Variants in C9orf72 observed in about 807,000 individuals in gnomAD.
C9orf72 encodes the protein C9orf72-SMCR8 complex subunit.
C9orf72 carries 44 observed loss-of-function variants against 51.6 expected under a neutral mutation model. That is an observed-to-expected ratio of 0.85 (90% CI 0.67 to 1.10). The LOEUF (loss-of-function observed/expected upper bound fraction) is 1.10. C9orf72 is among the 50% of genes least tolerant of loss of function. The probability of loss-of-function intolerance (pLI) is 0.00; values close to 1 mark genes in which losing one functional copy is unlikely to be tolerated. For synonymous variants in C9orf72, 213 were observed against 194.2 expected (o/e 1.10, Z -0.81); for missense variants, 607 against 570.6 (o/e 1.06, Z -0.65).
At chr9:27,556,831 T>G in intron 7 of C9orf72, 35 bp from the exon 8 acceptor site, 1 of 1,306,754 alleles carries the variant, frequency 7.7e-7, no homozygotes, top group Non-Finnish European at 1.1e-6. Flanking sequence ...CTGTCTTACA[T>G]GCCAAACGAT....
intron 9 of C9orf72, among the ~76,000 whole-genome samples, chr9:27,550,143 T>A (rs1344196242): frequency 4.0e-5 from 6 of 150,486 alleles, no homozygotes; most frequent in Non-Finnish European, 8.9e-5. Context: ...CATATATATA[T>A]CCTACAATGC....
chr9:27,553,966 T>C (rs1820959093), intron 8 of C9orf72, among the ~76,000 whole-genome samples: 1 of 152,044 alleles, frequency 6.6e-6, no homozygotes, highest in Admixed American at 6.6e-5. Context: ...TAATAGAGAA[T>C]TGCAAATCAA....
Position 27,556,644 on chromosome 9 carries a change from C to T in C9orf72, c.1008G>A (p.Leu336=). 2 of 1,614,002 alleles carry T rather than the reference C, an allele frequency of 1.2e-6. No homozygotes were observed. Among genetic ancestry groups the T allele is most frequent in the Non-Finnish European group, 8.5e-7 (1 of 1,179,936 alleles). Reference sequence around the variant, plus strand: ...CTGAAGTGGCTCTCCAGAAGGCTGTCAGCTCGGATCTCATGTATCTACGCT... The same window carrying T: ...CTGAAGTGGCTCTCCAGAAGGCTGTTAGCTCGGATCTCATGTATCTACGCT... The part of the protein sequence containing the change: ...YNQRRYMRSE[L]TAFWRATSEE... The change falls in exon 8 of 11, where the codon CTG becomes CTA. Residue 336 remains leucine (L), a synonymous_variant. Coordinates refer to ENST00000380003, the MANE Select transcript of C9orf72 (RefSeq NM_018325.5).
At chr9:27,556,924 ATGAG>A in intron 7 of C9orf72, 128 bp from the exon 8 acceptor site, 1 of 658,028 alleles carries the variant, frequency 1.5e-6, no homozygotes, top group South Asian at 1.9e-5. Flanking sequence ...GAAGCTATTC[ATGAG>A]TGTGTGCAAA....
At chr9:27,562,080 A>G (rs34366576) in intron 4 of C9orf72, among the ~76,000 whole-genome samples, 35,759 of 152,110 alleles carry the variant, frequency 0.24, 4,290 homozygotes, top group East Asian at 0.31. Context: ...GTTTCAAAAG[A>G]CACTACATTA....
intron 1 of C9orf72, among the ~76,000 whole-genome samples, chr9:27,567,578 G>C (rs1376979304): frequency 6.6e-6 from 1 of 152,140 alleles, no homozygotes; most frequent in Non-Finnish European, 1.5e-5. Context: ...AAACAGGAAG[G>C]GAAAGGCTCA....
At chr9:27,559,939 T>C (rs28526385) in intron 6 of C9orf72, 45,129 of 170,652 alleles carry the variant, frequency 0.26, 6,110 homozygotes, top group South Asian at 0.3. Flanking sequence ...CATTGGGAAA[T>C]AGAAGAGTAA....
At position 27,558,888 on chromosome 9, in the gene C9orf72, T is replaced by A. The variant is rs1005065026; in HGVS notation, c.739-281A>T. ...GTGACTCTTCAGGTGAATTATATCA[T>A]CTGCAGACTTTCTCAGACTTATTTG... On this transcript the variant is annotated intron_variant, in intron 6 of 10. Coordinates refer to ENST00000380003, the MANE Select transcript of C9orf72 (RefSeq NM_018325.5). 10 of 245,350 alleles carry A rather than the reference T, an allele frequency of 4.1e-5. No individual in the cohort carries two copies. In the Admixed American group the frequency reaches 5.3e-4, roughly 13 times the overall value. 15.2% of individuals were successfully genotyped at this position (245,350 alleles called of 1,614,324 possible).
chr9:27,556,720 T>A lies in C9orf72; in HGVS notation c.932A>T (p.Asp311Val). Residue 311 changes from aspartate (D) to valine (V), a missense_variant, in exon 8 of 11, where the codon GAT becomes GTT. Physicochemically the swap from Asp to Val is radical, Grantham distance 152 (BLOSUM62 -3). Coordinates refer to ENST00000380003, the MANE Select transcript of C9orf72 (RefSeq NM_018325.5). ...TGGCATCTGCTTCACAGTATTGACA[T>A]CCACATCTATGTGTGTGGTGGGATA... ...APYPTTHIDV[D>V]VNTVKQMPPC... The A allele has an allele frequency of 6.2e-7, 1 of 1,613,918 alleles. No homozygotes were observed. Among genetic ancestry groups the A allele is most frequent in the Non-Finnish European group, 8.5e-7 (1 of 1,179,834 alleles).
chr9:27,563,858 A>G (rs983439601), intron 3 of C9orf72, among the ~76,000 whole-genome samples: 1 of 152,172 alleles, frequency 6.6e-6, no homozygotes, highest in Non-Finnish European at 1.5e-5. Flanking sequence ...CATTCAATCT[A>G]ACAAGAATAA....
chr9:27,562,530 G>A, intron 3 of C9orf72, 54 bp from the exon 4 acceptor site: 3 of 854,580 alleles, frequency 3.5e-6, no homozygotes, highest in Non-Finnish European at 5.3e-6. Flanking sequence ...GAGAGAAGCT[G>A]GGCAATAAAA....
In C9orf72 at chr9:27,548,639, G is replaced by T. The variant is rs2643806; in HGVS notation, c.1177C>A (p.Leu393Ile). 15 of 1,611,656 alleles carry T rather than the reference G, an allele frequency of 9.3e-6. No individual in the cohort carries two copies. The African/African-American group carries it at 2.0e-4, about 22-fold the overall frequency. ...AACTGTGCAAGGAAAGTACTTCTGA[G>T]AGATAAGCCAGGTTTCAGCTGAAAG... ...QVFQLKPGLSLRSTFLAQFLL... is the reference protein window; with the variant it reads ...QVFQLKPGLSIRSTFLAQFLL... The change falls in exon 10 of 11, where the codon CTC (leucine) becomes ATC (isoleucine). Residue 393 changes from leucine to isoleucine, a missense_variant. By Grantham distance (5) the Leu-to-Ile change is conservative. Coordinates refer to ENST00000380003, the MANE Select transcript of C9orf72 (RefSeq NM_018325.5).
intron 8 of C9orf72, among the ~76,000 whole-genome samples, chr9:27,552,603 G>A (rs1047191506): frequency 2.8e-4 from 40 of 142,016 alleles, no homozygotes; most frequent in African/African-American, 9.0e-4. Flanking sequence ...AGATATGCCC[G>A]CCTTGGCCTC....
At chr9:27,551,053 A>G (rs1445063339) in intron 8 of C9orf72, among the ~76,000 whole-genome samples, 3 of 151,154 alleles carry the variant, frequency 2.0e-5, no homozygotes, top group Non-Finnish European at 4.4e-5. Context: ...TTAGGCAATT[A>G]ATAAATAAAA....
In C9orf72 at chr9:27,548,060, A is replaced by T; in HGVS notation, c.*176T>A. 2.3e-6 allele frequency: 1 copy of T among 438,142 alleles called. No homozygotes were observed. Among genetic ancestry groups the T allele is most frequent in the Non-Finnish European group, 4.0e-6 (1 of 247,828 alleles). 27.1% of individuals were successfully genotyped at this position (438,142 alleles called of 1,614,324 possible). On this transcript the variant is annotated 3_prime_UTR_variant, in exon 11 of 11. Coordinates refer to ENST00000380003, the MANE Select transcript of C9orf72 (RefSeq NM_018325.5). Reference sequence around the variant, plus strand: ...TCTAGGAAAAGAGACACCCAATGTAATGATGCACCTGACATCCCCTCACAG... The same window carrying T: ...TCTAGGAAAAGAGACACCCAATGTATTGATGCACCTGACATCCCCTCACAG...
At position 27,550,652 on chromosome 9, in the gene C9orf72, G is replaced by C. The variant is rs1820887289; in HGVS notation, c.1147C>G (p.Gln383Glu). 1 of 1,574,788 alleles carries C rather than the reference G, an allele frequency of 6.4e-7. No homozygotes were observed. The highest frequency in any genetic ancestry group is 8.7e-7 in the Non-Finnish European group (1 of 1,151,032). The change falls in exon 9 of 11, where the codon CAG becomes GAG. Residue 383 changes from glutamine (Q) to glutamate (E), a missense_variant and splice_region_variant. Gln to Glu is a conservative substitution (Grantham distance 29). Transcript: ENST00000380003. Reference sequence around the variant, plus strand: ...ACAATCTCAAGTTCAACATTTACCTGATCCAGGAAGGCTTTCACTAGAGTG... The same window carrying C: ...ACAATCTCAAGTTCAACATTTACCTCATCCAGGAAGGCTTTCACTAGAGTG... ...RDTLVKAFLDQVFQLKPGLSL... is the reference protein window; with the variant it reads ...RDTLVKAFLDEVFQLKPGLSL...
At chr9:27,553,262 G>C (rs1820944791) in intron 8 of C9orf72, among the ~76,000 whole-genome samples, 1 of 152,064 alleles carries the variant, frequency 6.6e-6, no homozygotes, top group Admixed American at 6.6e-5. Flanking sequence ...AATAGCCAAA[G>C]CAATCCTAAG....
intron 6 of C9orf72, chr9:27,559,387 G>C (rs930673496): frequency 6.6e-6 from 1 of 151,854 alleles, no homozygotes; most frequent in African/African-American, 2.4e-5. Context: ...ACCTGTTTGA[G>C]GTAACAGAAG....
At position 27,556,584 on chromosome 9, in the gene C9orf72, A is replaced by C; in HGVS notation, c.1068T>G (p.Thr356=). The C allele has an allele frequency of 6.2e-7, 1 of 1,613,230 alleles. No homozygotes were observed. Among genetic ancestry groups the C allele is most frequent in the Non-Finnish European group, 8.5e-7 (1 of 1,179,242 alleles). The change falls in exon 8 of 11, where the codon ACT becomes ACG. Residue 356 remains threonine, a synonymous_variant. Coordinates refer to ENST00000380003, the MANE Select transcript of C9orf72 (RefSeq NM_018325.5). ...EDMAQDTIIY[T]DESFTPDLNI... Reference sequence around the variant, plus strand: ...ACAAATCAGGAGTAAAGCTTTCGTCAGTGTAGATGATCGTATCCTGAGCCA... The same window carrying C: ...ACAAATCAGGAGTAAAGCTTTCGTCCGTGTAGATGATCGTATCCTGAGCCA...
Sources: allele counts gnomAD v4.1 joint callset (sites outside exome capture counted in the v4.1 genomes callset), GRCh38; gene constraint gnomAD v4.1.1; transcripts MANE v1.5; gene names NCBI Gene and HGNC (gene_info 2026-07-23, HGNC 2026-07-21).